PTPRR: variants seen among roughly 807,000 people sequenced by gnomAD.
PTPRR encodes protein tyrosine phosphatase receptor type R, also known as receptor-type tyrosine-protein phosphatase R.
PTPRR carries 38 observed loss-of-function variants against 77.2 expected under a neutral mutation model. The ratio of observed to expected loss-of-function variants is 0.49; its 90% CI spans 0.38 to 0.65. The LOEUF (loss-of-function observed/expected upper bound fraction) is 0.65. Ranked by LOEUF, PTPRR falls within the 30% of genes least tolerant of loss-of-function variation. PTPRR has a pLI of 0.00. For missense variants in PTPRR, 744 were observed against 799.2 expected (o/e 0.93, Z 0.83); for synonymous variants, 299 against 283.1 (o/e 1.06, Z -0.57).
intron 2 of PTPRR, among the ~76,000 whole-genome samples, chr12:70,820,506 T>G (rs986365274): frequency 3.3e-5 from 5 of 152,222 alleles, no homozygotes; most frequent in Non-Finnish European, 5.9e-5. Flanking sequence ...GCTAATTTTT[T>G]GTATTTTTAG....
At chr12:70,641,908 A>C (rs1886017555) in intron 13 of PTPRR, among the ~76,000 whole-genome samples, 1 of 152,176 alleles carries the variant, frequency 6.6e-6, no homozygotes, top group Admixed American at 6.5e-5. Context: ...ACAGCCATCA[A>C]AGTCCTATAA....
At chr12:70,777,006 T>G (rs1472930573) in intron 2 of PTPRR, among the ~76,000 whole-genome samples, 1 of 152,164 alleles carries the variant, frequency 6.6e-6, no homozygotes, top group Non-Finnish European at 1.5e-5. Flanking sequence ...ATCTTGTGTA[T>G]ACTTCCAAAT....
At chr12:70,887,449 C>T (rs201440221) in intron 2 of PTPRR, among the ~76,000 whole-genome samples, 4 of 151,180 alleles carry the variant, frequency 2.6e-5, no homozygotes, top group Non-Finnish European at 4.4e-5. Flanking sequence ...GAGACTCTTT[C>T]CAAAAAAAAA....
intron 2 of PTPRR, among the ~76,000 whole-genome samples, chr12:70,850,117 TTTGGGAG>T (rs1892547740): frequency 1.3e-5 from 2 of 152,132 alleles, no homozygotes; most frequent in Non-Finnish European, 2.9e-5. Flanking sequence ...ATCCCAGCAC[TTTGGGAG>T]GCCGAGGTGG....
At chr12:70,757,088 C>T (rs890002512) in intron 4 of PTPRR, among the ~76,000 whole-genome samples, 1 of 152,146 alleles carries the variant, frequency 6.6e-6, no homozygotes, top group Non-Finnish European at 1.5e-5. Flanking sequence ...TATGTCTCCT[C>T]AGCACTGTAT....
At chr12:70,775,873 G>A (rs1311966488) in intron 2 of PTPRR, among the ~76,000 whole-genome samples, 3 of 152,022 alleles carry the variant, frequency 2.0e-5, no homozygotes, top group African/African-American at 7.3e-5. Flanking sequence ...AAAGCAAAAG[G>A]TTCTCTGTTT....
At chr12:70,720,812 T>C (rs1482139324) in intron 6 of PTPRR, among the ~76,000 whole-genome samples, 1 of 152,122 alleles carries the variant, frequency 6.6e-6, no homozygotes, top group African/African-American at 2.4e-5. Flanking sequence ...GTACTACCAC[T>C]AGGCCCTAGG....
Position 70,784,754 on chromosome 12 carries a change from A to G in PTPRR, c.358-19976T>C, listed in dbSNP as rs566556979. Among the ~76,000 whole-genome samples the G allele has an allele frequency of 2.0e-5, 3 of 152,344 alleles. No individual in the cohort carries two copies. In the East Asian group the frequency reaches 5.8e-4, roughly 29 times the overall value. On this transcript the variant is annotated intron_variant, in intron 2 of 13. Transcript: ENST00000283228. ...AATGTTGAAAATGAATAGTTTAGTG[A>G]CTTGCTTCTTTGGATATTCAGTACA...
At chr12:70,768,689 G>T (rs528104477) in intron 2 of PTPRR, among the ~76,000 whole-genome samples, 5 of 152,136 alleles carry the variant, frequency 3.3e-5, no homozygotes, top group African/African-American at 1.2e-4. Context: ...TACCAAAGCC[G>T]GGCAGAGATA....
At chr12:70,671,507 T>G (rs1477028820) in intron 10 of PTPRR, among the ~76,000 whole-genome samples, 6 of 152,122 alleles carry the variant, frequency 3.9e-5, no homozygotes, top group Non-Finnish European at 8.8e-5. Flanking sequence ...CAAAAATCAT[T>G]TCTCCAATTT....
chr12:70,835,463 A>G (rs554261093), intron 2 of PTPRR, among the ~76,000 whole-genome samples: 1 of 152,132 alleles, frequency 6.6e-6, no homozygotes, highest in Non-Finnish European at 1.5e-5. Flanking sequence ...GACTGAGCAG[A>G]GAGATATGGC....
chr12:70,867,216 A>G (rs954936519), intron 2 of PTPRR, among the ~76,000 whole-genome samples: 3 of 152,000 alleles, frequency 2.0e-5, no homozygotes, highest in African/African-American at 7.3e-5. Flanking sequence ...AAGGAAATAA[A>G]GGGTATTCAA....
At chr12:70,676,268 A>G (rs896686505) in intron 10 of PTPRR, among the ~76,000 whole-genome samples, 8 of 151,714 alleles carry the variant, frequency 5.3e-5, no homozygotes, top group African/African-American at 1.9e-4. Flanking sequence ...GTCTTGTTTG[A>G]TGCTAAACCT....
chr12:70,866,462 C>A (rs1202269965), intron 2 of PTPRR, among the ~76,000 whole-genome samples: 1 of 152,056 alleles, frequency 6.6e-6, no homozygotes, highest in African/African-American at 2.4e-5. Flanking sequence ...GACACATACA[C>A]CCTCCCAAGA....
intron 2 of PTPRR, among the ~76,000 whole-genome samples, chr12:70,768,380 C>G (rs1036680791): frequency 2.0e-5 from 3 of 152,204 alleles, no homozygotes; most frequent in African/African-American, 7.2e-5. Flanking sequence ...ACTACAAACA[C>G]CTCTACGCAA....
chr12:70,905,561 G>GA (rs1158856287), intron 1 of PTPRR, among the ~76,000 whole-genome samples: 2 of 151,962 alleles, frequency 1.3e-5, no homozygotes, highest in Non-Finnish European at 2.9e-5. Flanking sequence ...AAATTGCACA[G>GA]TTGAAATTGA....
At chr12:70,823,079 T>C (rs1056424246) in intron 2 of PTPRR, among the ~76,000 whole-genome samples, 17 of 149,692 alleles carry the variant, frequency 1.1e-4, no homozygotes, top group Non-Finnish European at 1.9e-4. Context: ...TCTCTCTCTT[T>C]TCTCTTCTCT....
At chr12:70,852,429 A>G (rs1892586267) in intron 2 of PTPRR, among the ~76,000 whole-genome samples, 1 of 152,204 alleles carries the variant, frequency 6.6e-6, no homozygotes, top group South Asian at 2.1e-4. Context: ...TGCAACTATG[A>G]CCTAGTTTCT....
chr12:70,666,580 A>T (rs1887003882), intron 10 of PTPRR, among the ~76,000 whole-genome samples: 1 of 152,246 alleles, frequency 6.6e-6, no homozygotes, highest in Non-Finnish European at 1.5e-5. Flanking sequence ...CACTGGTGAA[A>T]AAAGTAAACC....
Sources: allele counts gnomAD v4.1 joint callset (sites outside exome capture counted in the v4.1 genomes callset), GRCh38; gene constraint gnomAD v4.1.1; transcripts MANE v1.5; gene names NCBI Gene and HGNC (gene_info 2026-07-23, HGNC 2026-07-21).